The following NAALADL2 variants were observed in gnomAD, a reference collection of about 807,000 sequenced individuals.
NAALADL2 encodes N-acetylated alpha-linked acidic dipeptidase like 2, also known as inactive N-acetylated-alpha-linked acidic dipeptidase-like protein 2.
A neutral mutation model predicts 87.2 loss-of-function variants in NAALADL2; 76 were observed. The ratio of observed to expected loss-of-function variants is 0.87; its 90% confidence interval spans 0.72 to 1.05. NAALADL2 has a LOEUF of 1.05. Ranked by LOEUF, NAALADL2 falls within the 50% of genes least tolerant of loss-of-function variation. The pLI is 0.00. For synonymous variants in NAALADL2, 354 were observed against 331.0 expected, an observed-to-expected ratio of 1.07 and a Z score of -0.75; for missense variants, 1,089 against 945.8, an observed-to-expected ratio of 1.15 and a Z score of -1.99.
At position 175,143,534 on chromosome 3, in the gene NAALADL2, T is replaced by G. The variant is rs1049980517; in HGVS notation, c.545+46243T>G. ...TTAAATATTGAAAGTGCCAGTAATC[T>G]AATTGTCAATGTTAGCCAAAAAAAA... On this transcript the variant is annotated intron_variant, in intron 2 of 13. Coordinates refer to ENST00000454872, the MANE Select transcript of NAALADL2 (RefSeq NM_207015.3). Among the ~76,000 whole-genome samples the G allele has an allele frequency of 1.5e-4, 20 of 130,966 alleles. 1 individual carries two copies. The highest frequency in any genetic ancestry group is 1.1e-3 in the Admixed American group (13 of 11,824). The allele number at this position is 130,966 out of a possible 152,430, so 85.9% of individuals were successfully genotyped here. A position where few individuals can be genotyped will look rare whatever the true frequency, so the allele number is the denominator to read the frequency against.
intron 3 of NAALADL2, among the ~76,000 whole-genome samples, chr3:174,813,015 G>C (rs1720390921): frequency 6.6e-6 from 1 of 151,986 alleles, no homozygotes; most frequent in South Asian, 2.1e-4. Context: ...ATTTAGTGTA[G>C]CCCAAATGTA....
chr3:175,697,909 A>G (rs554919181), intron 11 of NAALADL2, among the ~76,000 whole-genome samples: 4 of 56,124 alleles, frequency 7.1e-5, no homozygotes, highest in African/African-American at 3.3e-4. Flanking sequence ...ATACATATAT[A>G]TGTGTATATA....
Position 175,805,973 on chromosome 3 carries a change from T to C in NAALADL2, c.*2770T>C, listed in dbSNP as rs1754670990. The stretch of plus-strand genomic sequence containing the variant: ...ATATAGTAACTAAACCCAAAGTGAG[T>C]AAGAAACTTGGACATAGTCATGTAT... On this transcript the variant is annotated 3_prime_UTR_variant, in exon 14 of 14. Transcript: ENST00000454872. 1 of 151,812 alleles carries C rather than the reference T, an allele frequency of 6.6e-6. No individual in the cohort carries two copies. Among genetic ancestry groups the C allele is most frequent in the Admixed American group, 6.6e-5 (1 of 15,198 alleles). The allele number at this position is 151,812 out of a possible 1,614,324, so 9.4% of individuals were successfully genotyped here. A position where few individuals can be genotyped will look rare whatever the true frequency, so the allele number is the denominator to read the frequency against.
At chr3:175,179,499 T>C (rs1736152911) in intron 2 of NAALADL2, among the ~76,000 whole-genome samples, 1 of 152,022 alleles carries the variant, frequency 6.6e-6, no homozygotes. Flanking sequence ...ACAAGTAGCC[T>C]ATGGAATTTT....
intron 7 of NAALADL2, 118 bp from the exon 8 acceptor site, chr3:175,466,861 A>G: frequency 1.2e-6 from 1 of 817,460 alleles, no homozygotes; most frequent in Non-Finnish European, 2.0e-6. Flanking sequence ...AGTCTTAATT[A>G]TTAGAGCAAT....
chr3:175,384,251 T>C (rs1236978486), intron 5 of NAALADL2, among the ~76,000 whole-genome samples: 3 of 152,038 alleles, frequency 2.0e-5, no homozygotes, highest in Non-Finnish European at 4.4e-5. Context: ...ATTATCTTAT[T>C]GACTATAATG....
At chr3:175,172,469 G>T (rs1378972439) in intron 2 of NAALADL2, among the ~76,000 whole-genome samples, 3 of 152,116 alleles carry the variant, frequency 2.0e-5, no homozygotes, top group Admixed American at 6.6e-5. Flanking sequence ...TAACCCTGTA[G>T]TTCTTCAGTG....
chr3:175,431,244 T>A (rs1717704996), intron 5 of NAALADL2, among the ~76,000 whole-genome samples: 1 of 152,110 alleles, frequency 6.6e-6, no homozygotes, highest in African/African-American at 2.4e-5. Context: ...TCTGTACACT[T>A]CACGAGTTGG....
intron 11 of NAALADL2, among the ~76,000 whole-genome samples, chr3:175,646,142 T>C (rs577013284): frequency 4.6e-5 from 7 of 152,272 alleles, no homozygotes; most frequent in Non-Finnish European, 1.0e-4. Context: ...TTTTCAACTT[T>C]GCTTTAGTTC....
chr3:174,671,601 A>C lies in NAALADL2; in HGVS notation c.-114-66040A>C, dbSNP rs149952844. On this transcript the variant is annotated intron_variant, in intron 2 of 3. Transcript: ENST00000434257. ...AATGATGTGATGAATTTGAAGACTT[A>C]TGAAAATATGTCAAAAATACTATCC... Among the ~76,000 whole-genome samples the C allele has an allele frequency of 5.3e-3, 805 of 152,220 alleles. 8 individuals are homozygous for C. Among genetic ancestry groups the C allele is most frequent in the African/African-American group, 0.018 (760 of 41,546 alleles).
chr3:175,097,096 G>A lies in NAALADL2; in HGVS notation c.350G>A (p.Ser117Asn), dbSNP rs1721288194. ...CATTATACACGATCTGCACCAAAGA[G>A]CAATCGCTGCAACTTTTGCCACGTC... ...ITHYTRSAPK[S>N]NRCNFCHVLK... Residue 117 changes from serine to asparagine, a missense_variant, in exon 2 of 14, where the codon AGC becomes AAC. Physicochemically the swap from Ser to Asn is conservative, Grantham distance 46. Coordinates refer to ENST00000454872, the MANE Select transcript of NAALADL2 (RefSeq NM_207015.3). 3 of 1,613,626 alleles carry A rather than the reference G, an allele frequency of 1.9e-6. No homozygotes were observed. The highest frequency in any genetic ancestry group is 3.3e-5 in the Admixed American group (2 of 59,974).
At chr3:174,962,519 A>T (rs11717811) in intron 1 of NAALADL2, among the ~76,000 whole-genome samples, 59,723 of 148,434 alleles carry the variant, frequency 0.4, 14,078 homozygotes, top group Non-Finnish European at 0.55. Context: ...TCACAAGTGG[A>T]CCATACATAA....
At chr3:175,711,254 G>A (rs1740494041) in intron 11 of NAALADL2, among the ~76,000 whole-genome samples, 1 of 151,778 alleles carries the variant, frequency 6.6e-6, no homozygotes, top group Admixed American at 6.6e-5. Context: ...AGCATCTACA[G>A]ATGAGGTATG....
chr3:175,458,550 AAT>A (rs973524452), intron 6 of NAALADL2, among the ~76,000 whole-genome samples: 1 of 147,868 alleles, frequency 6.8e-6, no homozygotes, highest in African/African-American at 2.4e-5. Context: ...ATATAATTAA[AAT>A]ATATTAAATT....
chr3:175,596,841 T>G (rs1477020509), intron 10 of NAALADL2, among the ~76,000 whole-genome samples: 1 of 151,938 alleles, frequency 6.6e-6, no homozygotes, highest in East Asian at 1.9e-4. Flanking sequence ...AAAAGTTGTT[T>G]TCCATATCTG....
intron 13 of NAALADL2, among the ~76,000 whole-genome samples, chr3:175,767,385 A>G (rs73171463): frequency 0.09 from 13,736 of 152,194 alleles, 649 homozygotes; most frequent in Middle Eastern, 0.11. Flanking sequence ...ACTGCAACAA[A>G]CCCTCAAATT....
intron 1 of NAALADL2, among the ~76,000 whole-genome samples, chr3:175,045,098 A>G: frequency 6.6e-6 from 1 of 151,788 alleles, no homozygotes; most frequent in Non-Finnish European, 1.5e-5. Context: ...GTTGATAAGA[A>G]CTCTAATAGT....
intron 10 of NAALADL2, among the ~76,000 whole-genome samples, chr3:175,587,934 G>T (rs565848302): frequency 6.6e-6 from 1 of 152,110 alleles, no homozygotes; most frequent in Non-Finnish European, 1.5e-5. Context: ...TACACCTGGG[G>T]AAGAGGACAA....
chr3:174,923,581 T>C (rs1735555440), intron 1 of NAALADL2, among the ~76,000 whole-genome samples: 1 of 151,312 alleles, frequency 6.6e-6, no homozygotes, highest in Non-Finnish European at 1.5e-5. Context: ...GTATCTTTGA[T>C]TTTTTAGAAC....
Sources: allele counts gnomAD v4.1 joint callset (sites outside exome capture counted in the v4.1 genomes callset), GRCh38; gene constraint gnomAD v4.1.1; transcripts MANE v1.5; gene names NCBI Gene and HGNC (gene_info 2026-07-23, HGNC 2026-07-21).